The following ECHDC2 variants were observed in gnomAD, a reference collection of about 807,000 sequenced individuals.
The protein encoded by ECHDC2 is enoyl-CoA hydratase domain containing 2.
Under a neutral mutation model 40.6 loss-of-function variants are expected in ECHDC2, and 34 were observed. The ratio of observed to expected loss-of-function variants is 0.84; its 90% CI spans 0.64 to 1.11. ECHDC2 has a LOEUF of 1.11. Ranked by LOEUF, ECHDC2 falls within the 50% of genes most tolerant of loss-of-function variation. ECHDC2 has a pLI of 0.00. For missense variants in ECHDC2, 392 were observed against 400.7 expected, an observed-to-expected ratio of 0.98 and a Z score of 0.19; for synonymous variants, 162 against 166.6, an observed-to-expected ratio of 0.97 and a Z score of 0.21.
In ECHDC2 at chr1:52,911,466, CAAT is replaced by C. The variant is rs1178061395; in HGVS notation, c.277+97_277+99del. 91 of 1,165,320 alleles carry C rather than the reference CAAT, an allele frequency of 7.8e-5. 1 individual carries two copies. The highest frequency in any genetic ancestry group is 5.8e-4 in the South Asian group (44 of 76,250). 72.2% of individuals were successfully genotyped at this position (1,165,320 alleles called of 1,614,324 possible). ...TGCATTCACATCGGTAAAATGGCAA[CAAT>C]GAGTCCCATGCTGAAGCTGATCTAA... On this transcript the variant is annotated intron_variant, in intron 3 of 9. Transcript: ENST00000371522.
Position 52,907,872 on chromosome 1 carries a change from G to A in ECHDC2, c.360C>T (p.Asp120=), listed in dbSNP as rs1334609512. The part of the protein sequence containing the change: ...FVQRLRGLMN[D]IAAFPAPTIA... ...ACCCCACACCCAGATCCTCACCGAT[G>A]TCATTCATCAGGCCCCGGAGTCGCT... The change falls in exon 4 of 10, where the codon GAC becomes GAT. Residue 120 remains aspartate (D), a synonymous_variant. Coordinates refer to ENST00000371522, the MANE Select transcript of ECHDC2 (RefSeq NM_001198961.2). 6.2e-7 allele frequency: 1 copy of A among 1,611,866 alleles called. No individual in the cohort carries two copies. The highest frequency in any genetic ancestry group is 2.2e-5 in the East Asian group (1 of 44,830).
intron 5 of ECHDC2, chr1:52,905,648 C>G (rs1053486437): frequency 1.3e-5 from 2 of 158,602 alleles, no homozygotes; most frequent in African/African-American, 4.8e-5. Flanking sequence ...GACGCACCCC[C>G]CCGGGTCTGT....
chr1:52,915,205 A>C, intron 1 of ECHDC2: 1 of 456,040 alleles, frequency 2.2e-6, no homozygotes, highest in Non-Finnish European at 4.4e-6. Flanking sequence ...CCCAGGGCTG[A>C]AATCCAGCAG....
chr1:52,907,635 G>A, intron 4 of ECHDC2: 1 of 492,770 alleles, frequency 2.0e-6, no homozygotes, highest in South Asian at 3.5e-5. Flanking sequence ...GCTTTGGAAT[G>A]GCCAGGCTTG....
At chr1:52,901,643 G>A (rs1203254226) in intron 7 of ECHDC2, 1 of 152,102 alleles carries the variant, frequency 6.6e-6, no homozygotes, top group Non-Finnish European at 1.5e-5. Context: ...CAGTAACATA[G>A]GTGGAAGTTG....
chr1:52,907,599 G>T (rs1408013742), intron 4 of ECHDC2: 1 of 414,214 alleles, frequency 2.4e-6, no homozygotes, highest in East Asian at 3.8e-5. Context: ...GTCAAAACTT[G>T]AAAGCATGCT....
chr1:52,903,821 CTTTTTT>C (rs565248267), intron 7 of ECHDC2, among the ~76,000 whole-genome samples: 103 of 144,684 alleles, frequency 7.1e-4, no homozygotes, highest in African/African-American at 2.7e-3. Context: ...TTCTTTCTTT[CTTTTTT>C]TTTTTTTTTT....
intron 1 of ECHDC2, chr1:52,912,165 A>T: frequency 2.1e-5 from 9 of 424,550 alleles, no homozygotes; most frequent in Non-Finnish European, 2.9e-5. Flanking sequence ...CTCCCTCCAT[A>T]TTCATCTTTT....
chr1:52,921,287 G>A (rs1221039970), intron 1 of ECHDC2: 1 of 649,832 alleles, frequency 1.5e-6, no homozygotes, highest in Non-Finnish European at 2.2e-6. Flanking sequence ...TGCGGACCCC[G>A]CTCCCCCTTC....
chr1:52,901,729 T>TG (rs1235819942), intron 7 of ECHDC2: 77 of 152,372 alleles, frequency 5.1e-4, no homozygotes, highest in African/African-American at 1.5e-3. Context: ...TTTGGTAGAC[T>TG]GGTGTTTTGG....
chr1:52,918,852 C>G (rs1651300045), intron 1 of ECHDC2, among the ~76,000 whole-genome samples: 1 of 152,028 alleles, frequency 6.6e-6, no homozygotes, highest in Non-Finnish European at 1.5e-5. Context: ...CCAGGGGTCC[C>G]CAACCCCCGG....
chr1:52,900,492 T>G (rs1158984598), intron 7 of ECHDC2: 2 of 152,280 alleles, frequency 1.3e-5, no homozygotes, highest in South Asian at 2.1e-4. Context: ...TTTTTAAAAT[T>G]TGTTAGAAAC....
chr1:52,904,989 A>G (rs769369426), intron 6 of ECHDC2, 45 bp downstream of exon 6: 4 of 1,613,174 alleles, frequency 2.5e-6, no homozygotes, highest in Non-Finnish European at 3.4e-6. Flanking sequence ...GCAGCGAAGG[A>G]CCCTGGATGG....
At chr1:52,913,902 G>C in intron 1 of ECHDC2, 7 of 1,132,440 alleles carry the variant, frequency 6.2e-6, no homozygotes, top group Non-Finnish European at 5.5e-6. Flanking sequence ...TACCTTTCAG[G>C]TGATGCCTCT....
At chr1:52,919,538 A>T (rs1651440051) in intron 1 of ECHDC2, among the ~76,000 whole-genome samples, 1 of 152,176 alleles carries the variant, frequency 6.6e-6, no homozygotes, top group Non-Finnish European at 1.5e-5. Flanking sequence ...CAATCACCTA[A>T]TGATGCATTT....
At chr1:52,911,867 A>G in intron 1 of ECHDC2, 77 bp from the exon 2 acceptor site, 7 of 1,576,922 alleles carry the variant, frequency 4.4e-6, no homozygotes, top group South Asian at 3.4e-5. Context: ...GACTGGAGGC[A>G]GGAGGCCTGG....
chr1:52,917,548 A>G lies in ECHDC2; in HGVS notation c.121+4005T>C, dbSNP rs1254493386. 2.2e-5 allele frequency: 10 copies of G among 456,136 alleles called. No homozygotes were observed. The East Asian group carries it at 6.9e-4, about 32-fold the overall frequency. 28.3% of individuals were successfully genotyped at this position (456,136 alleles called of 1,614,324 possible). A position where few individuals can be genotyped will look rare whatever the true frequency, so the allele number is the denominator to read the frequency against. ...CAAAACACAGAGGTAACACACCTTC[A>G]AATGAGCCCATGGGTAGAGGAGGGA... On this transcript the variant is annotated intron_variant, in intron 1 of 9. Transcript: ENST00000371522.
chr1:52,904,640 C>A lies in ECHDC2; in HGVS notation c.702+6G>T. On this transcript the variant is annotated splice_donor_region_variant and intron_variant, in intron 7 of 9. Coordinates refer to ENST00000371522, the MANE Select transcript of ECHDC2 (RefSeq NM_001198961.2). ...CCCTCCTTCTGGTGCCGAGCTGTCACCACACCTGGGGCAGGATCTCCTGGG... is the reference window on the plus strand; with the variant it reads ...CCCTCCTTCTGGTGCCGAGCTGTCAACACACCTGGGGCAGGATCTCCTGGG... 1.9e-6 allele frequency: 3 copies of A among 1,577,046 alleles called. No individual in the cohort carries two copies. Among genetic ancestry groups the A allele is most frequent in the Non-Finnish European group, 2.6e-6 (3 of 1,159,784 alleles).
chr1:52,917,489 A>G, intron 1 of ECHDC2: 2 of 450,366 alleles, frequency 4.4e-6, no homozygotes, highest in South Asian at 3.1e-5. Context: ...AGCAGAAAGG[A>G]AGGAAGAGGA....
Sources: allele counts gnomAD v4.1 joint callset (sites outside exome capture counted in the v4.1 genomes callset), GRCh38; gene constraint gnomAD v4.1.1; transcripts MANE v1.5; gene names NCBI Gene and HGNC (gene_info 2026-07-23, HGNC 2026-07-21).